FXR2: variants seen among roughly 807,000 people sequenced by gnomAD.
The protein encoded by FXR2 is RNA-binding protein FXR2.
FXR2 carries 9 observed loss-of-function variants against 87.3 expected under a neutral mutation model. The observed-to-expected ratio is 0.10, with a 90% confidence interval of 0.06 to 0.18. The LOEUF is 0.18. FXR2 is among the 10% of genes least tolerant of loss of function. The pLI, the probability that FXR2 is intolerant of heterozygous loss-of-function variation, is 1.00. For missense variants in FXR2, 661 were observed against 893.6 expected (o/e 0.74, Z 3.32); for synonymous variants, 331 against 328.3 (o/e 1.01, Z -0.09).
chr17:7,594,580 G>T lies in FXR2; in HGVS notation c.910+99C>A, dbSNP rs2071692581. ...CTGTTTCTCTGTCCTTGTGAAACTG[G>T]GAGTCCACAGGGAGGTGCCAATCCT... is the stretch of plus-strand genomic sequence containing the variant. On this transcript the variant is annotated intron_variant, in intron 9 of 16. Transcript: ENST00000250113. This position sits in a 1 kb window ranked among gnomAD's most constrained non-coding sequence, Gnocchi z 5.1. 3 of 806,734 alleles carry T rather than the reference G, an allele frequency of 3.7e-6. No homozygotes were observed. In the Admixed American group the frequency reaches 5.8e-5, roughly 15 times the overall value. 50.0% of individuals were successfully genotyped at this position (806,734 alleles called of 1,614,324 possible). A position where few individuals can be genotyped will look rare whatever the true frequency, so the allele number is the denominator to read the frequency against.
chr17:7,592,000 C>T lies in FXR2; in HGVS notation c.1927-75G>A. 1 of 1,180,198 alleles carries T rather than the reference C, an allele frequency of 8.5e-7. No individual in the cohort carries two copies. Among genetic ancestry groups the T allele is most frequent in the East Asian group, 2.5e-5 (1 of 40,280 alleles). The allele number at this position is 1,180,198 out of a possible 1,614,324, so 73.1% of individuals were successfully genotyped here. On this transcript the variant is annotated intron_variant, in intron 16 of 16. Transcript: ENST00000250113. This position sits in a 1 kb window ranked among gnomAD's most constrained non-coding sequence, Gnocchi z 4.0. ...AAATTCAGGTGGGAGACATTCCCTA[C>T]CATCCAAGCCCTCCTGGCATTTGGT...
chr17:7,597,201 G>C (rs142239411), intron 7 of FXR2, among the ~76,000 whole-genome samples: 1 of 152,228 alleles, frequency 6.6e-6, no homozygotes, highest in African/African-American at 2.4e-5. Context: ...TGGGTTCAGG[G>C]GCAGGAAGAC....
At chr17:7,614,031 G>T (rs1300508745) in intron 1 of FXR2, 2 of 461,122 alleles carry the variant, frequency 4.3e-6, no homozygotes, top group East Asian at 1.4e-4. Context: ...CGGGACAGAG[G>T]GCCTTCCCAA....
At position 7,593,933 on chromosome 17, in the gene FXR2, G is replaced by A. The variant is rs201660604; in HGVS notation, c.1092C>T (p.His364=). The A allele has an allele frequency of 2.0e-4, 319 of 1,607,140 alleles. 1 individual carries two copies. Among genetic ancestry groups the A allele is most frequent in the Admixed American group, 6.8e-4 (41 of 59,988 alleles). Residue 364 remains histidine, a synonymous_variant, in exon 11 of 17, where the codon CAC becomes CAT. Coordinates refer to ENST00000250113, the MANE Select transcript of FXR2 (RefSeq NM_004860.4). The surrounding 1 kb of genome is among the most constrained non-coding windows in gnomAD (Gnocchi z 6.1). ...ISNAQALLEY[H]LSYLQEVEQL... The stretch of plus-strand genomic sequence containing the variant: ...GCCTGGGTACCTGCAGGTAGGAGAG[G>A]TGATACTCCAGCAAAGCCTGGGCAT...
rs932947226 is a variant in FXR2, at chr17:7,592,087, G to T, written c.1927-162C>A. The T allele has an allele frequency of 2.1e-5, 30 of 1,453,640 alleles. No homozygotes were observed. The Middle Eastern group carries it at 5.5e-4, about 27-fold the overall frequency. The allele number at this position is 1,453,640 out of a possible 1,614,324, so 90.0% of individuals were successfully genotyped here. A position where few individuals can be genotyped will look rare whatever the true frequency, so the allele number is the denominator to read the frequency against. On this transcript the variant is annotated intron_variant, in intron 16 of 16. Coordinates refer to ENST00000250113, the MANE Select transcript of FXR2 (RefSeq NM_004860.4). The surrounding 1 kb of genome is among the most constrained non-coding windows in gnomAD (Gnocchi z 4.8). Reference sequence around the variant, plus strand: ...CTCTCTTACTTGGGATCCAGAAAATGTGAACCACACTTTCTTCTCTATCCT... The same window carrying T: ...CTCTCTTACTTGGGATCCAGAAAATTTGAACCACACTTTCTTCTCTATCCT...
chr17:7,597,340 A>C (rs1174043743), intron 7 of FXR2, among the ~76,000 whole-genome samples: 1 of 152,180 alleles, frequency 6.6e-6, no homozygotes, highest in Non-Finnish European at 1.5e-5. Flanking sequence ...AATTATACCA[A>C]GGATTTATAC....
At chr17:7,608,585 T>C (rs2032551164) in intron 1 of FXR2, among the ~76,000 whole-genome samples, 2 of 149,338 alleles carry the variant, frequency 1.3e-5, no homozygotes, top group African/African-American at 4.9e-5. Flanking sequence ...GCCATCGCAC[T>C]GCAGCCTGGA....
chr17:7,595,604 A>G lies in FXR2; in HGVS notation c.831+220T>C, dbSNP rs1190430248. ...CCTGCGACTACAGGTACGCACCACT[A>G]CTTCCAGCTAATTTTTAAATTTTTG... On this transcript the variant is annotated intron_variant, in intron 8 of 16. Transcript: ENST00000250113. The surrounding 1 kb of genome is among the most constrained non-coding windows in gnomAD (Gnocchi z 4.7). Among the ~76,000 whole-genome samples, 1 of 151,464 alleles carries G rather than the reference A, an allele frequency of 6.6e-6. No homozygotes were observed. The highest frequency in any genetic ancestry group is 2.4e-5 in the African/African-American group (1 of 41,146).
intron 7 of FXR2, chr17:7,596,549 C>T (rs1243788276): frequency 6.5e-6 from 1 of 152,718 alleles, no homozygotes; most frequent in Non-Finnish European, 1.5e-5. Flanking sequence ...CTGGGACACA[C>T]CGAAGTTCTG....
intron 3 of FXR2, 51 bp from the exon 4 acceptor site, chr17:7,604,131 C>A: frequency 7.2e-7 from 1 of 1,384,848 alleles, no homozygotes; most frequent in Non-Finnish European, 1.0e-6. Context: ...CCAAAAGCAT[C>A]AAGAAAGGGA....
At chr17:7,597,789 C>T (rs896431141) in intron 7 of FXR2, among the ~76,000 whole-genome samples, 7 of 151,292 alleles carry the variant, frequency 4.6e-5, no homozygotes, top group African/African-American at 1.7e-4. Flanking sequence ...AACCTTTGGC[C>T]CCATTCCCCT....
rs371887660 is a variant in FXR2 at position 7,592,268 on chromosome 17, G to C, written c.1912C>G (p.Leu638Val). 1 of 1,611,024 alleles carries C rather than the reference G, an allele frequency of 6.2e-7. No homozygotes were observed. Among genetic ancestry groups the C allele is most frequent in the Non-Finnish European group, 8.5e-7 (1 of 1,177,156 alleles). ...LERTKPSEDSLSGQKGDSVSK... is the reference protein window; with the variant it reads ...LERTKPSEDSVSGQKGDSVSK... ...TGCCTGCCTACCTTCTGTCCTGAAA[G>C]AGAGTCTTCTGAGGGTTTAGTGCGT... Residue 638 changes from leucine (L) to valine (V), a missense_variant, in exon 16 of 17, where the codon CTT (leucine) becomes GTT (valine). This residue lies in a region of FXR2 where 409 missense variants were observed against 432.0 expected (regional missense o/e 0.95). Transcript: ENST00000250113. This position sits in a 1 kb window ranked among gnomAD's most constrained non-coding sequence, Gnocchi z 4.8.
At position 7,592,603 on chromosome 17, in the gene FXR2, T is replaced by C. The variant is rs763956046; in HGVS notation, c.1730-4A>G. ...CGTTGAGGTCTTGATTCATCTTCTGTAGGGTAGGAAAAAACCAGAGTCACA... is the reference window on the plus strand; with the variant it reads ...CGTTGAGGTCTTGATTCATCTTCTGCAGGGTAGGAAAAAACCAGAGTCACA... On this transcript the variant is annotated splice_polypyrimidine_tract_variant and splice_region_variant and intron_variant, in intron 14 of 16. Transcript: ENST00000250113. The surrounding 1 kb of genome is among the most constrained non-coding windows in gnomAD (Gnocchi z 4.8). 4 of 1,612,786 alleles carry C rather than the reference T, an allele frequency of 2.5e-6. No individual in the cohort carries two copies. The highest frequency in any genetic ancestry group is 2.2e-5 in the East Asian group (1 of 44,832).
intron 1 of FXR2, among the ~76,000 whole-genome samples, chr17:7,607,726 C>T (rs998834390): frequency 6.6e-6 from 1 of 152,028 alleles, no homozygotes; most frequent in African/African-American, 2.4e-5. Flanking sequence ...TGTGCCCAGC[C>T]TATGATCCAT....
chr17:7,598,251 C>T (rs1217132354), intron 7 of FXR2, among the ~76,000 whole-genome samples: 1 of 151,670 alleles, frequency 6.6e-6, no homozygotes, highest in East Asian at 2.0e-4. Context: ...GAGATCAAGA[C>T]CATCCTGGCT....
intron 3 of FXR2, among the ~76,000 whole-genome samples, chr17:7,604,646 G>A (rs550612918): frequency 1.1e-4 from 17 of 150,212 alleles, no homozygotes; most frequent in South Asian, 4.3e-4. Context: ...AGCTGAGACC[G>A]CGCCACTGCA....
At position 7,593,278 on chromosome 17, in the gene FXR2, C is replaced by T. The variant is rs2071681260; in HGVS notation, c.1331-97G>A. On this transcript the variant is annotated intron_variant, in intron 12 of 16. Coordinates refer to ENST00000250113, the MANE Select transcript of FXR2 (RefSeq NM_004860.4). This position sits in a 1 kb window ranked among gnomAD's most constrained non-coding sequence, Gnocchi z 6.1. ...AAGAATTCTCCTTCTCACTCACAAG[C>T]CTCCCAGCCAATCAATCACTTTTTC... is the stretch of plus-strand genomic sequence containing the variant. 3.3e-6 allele frequency: 4 copies of T among 1,230,470 alleles called. No homozygotes were observed. The South Asian group carries it at 6.1e-5, about 19-fold the overall frequency. 76.2% of individuals were successfully genotyped at this position (1,230,470 alleles called of 1,614,324 possible).
chr17:7,603,845 G>T lies in FXR2; in HGVS notation c.361C>A (p.Arg121=), dbSNP rs1459377369. 1 of 1,613,658 alleles carries T rather than the reference G, an allele frequency of 6.2e-7. No homozygotes were observed. Among genetic ancestry groups the T allele is most frequent in the Non-Finnish European group, 8.5e-7 (1 of 1,179,738 alleles). ...ATYNEIVTLE[R]LRPVNPNPLA... is the part of the protein sequence containing the mutation. The stretch of plus-strand genomic sequence containing the variant: ...GGATTGGGATTAACTGGCCGAAGTC[G>T]CTCCAGGGTAACAATTTCATTGTAG... The change falls in exon 5 of 17, where the codon CGA becomes AGA. Residue 121 remains arginine, a synonymous_variant. Transcript: ENST00000250113.
Position 7,595,968 on chromosome 17 carries a change from G to A in FXR2, c.687C>T (p.Phe229=). 6.2e-7 allele frequency: 1 copy of A among 1,613,598 alleles called. No homozygotes were observed. Among genetic ancestry groups the A allele is most frequent in the Non-Finnish European group, 8.5e-7 (1 of 1,179,696 alleles). Residue 229 remains phenylalanine (F), a synonymous_variant, in exon 8 of 17, where the codon TTC becomes TTT. Coordinates refer to ENST00000250113, the MANE Select transcript of FXR2 (RefSeq NM_004860.4). This position sits in a 1 kb window ranked among gnomAD's most constrained non-coding sequence, Gnocchi z 4.7. The part of the protein sequence containing the change: ...LETSKQLAAA[F]QEEFTVREDL... ...CCTCTCGCACTGTGAACTCCTCTTG[G>A]AAGGCTGCTGCCAACTGCTTGCTTG...
Sources: gnomAD v4.1 joint callset for allele counts (sites outside exome capture counted in the v4.1 genomes callset) on GRCh38, gnomAD v4.1.1 for gene constraint, gnomAD v4.1.1 regional missense constraint, Gnocchi (gnomAD v3.1) non-coding constraint, MANE v1.5 for transcripts, NCBI Gene and HGNC (gene_info 2026-07-23, HGNC 2026-07-21) for gene names.